SPHKAP: variants seen among roughly 807,000 people sequenced by gnomAD.
SPHKAP encodes A-kinase anchor protein SPHKAP.
SPHKAP carries 67 observed loss-of-function variants against 137.5 expected under a neutral mutation model. The observed-to-expected ratio is 0.49, with a 90% confidence interval of 0.40 to 0.60. SPHKAP has a LOEUF of 0.60. Among genes scored for constraint, SPHKAP ranks in the 20% least tolerant of loss-of-function variants. The probability of loss-of-function intolerance (pLI) is 0.00; values close to 1 mark genes in which losing one functional copy is unlikely to be tolerated. For synonymous variants in SPHKAP, 813 were observed against 785.3 expected (o/e 1.04, Z -0.59); for missense variants, 2,097 against 2,069.3 (o/e 1.01, Z -0.26).
chr2:228,180,526 A>G (rs1217662739), intron 1 of SPHKAP, among the ~76,000 whole-genome samples: 5 of 152,134 alleles, frequency 3.3e-5, no homozygotes, highest in African/African-American at 1.2e-4. Context: ...TCTGCTCTGG[A>G]AGCTACCTAC....
intron 3 of SPHKAP, among the ~76,000 whole-genome samples, chr2:228,064,490 G>T (rs567659499): frequency 6.6e-6 from 1 of 152,242 alleles, no homozygotes; most frequent in African/African-American, 2.4e-5. Context: ...ACACATGTTT[G>T]TATTATGTTA....
intron 2 of SPHKAP, chr2:228,131,130 T>C (rs1277258090): frequency 5.8e-6 from 1 of 171,026 alleles, no homozygotes; most frequent in East Asian, 1.9e-4. Flanking sequence ...TATGTGTAGA[T>C]ATATATGCAT....
chr2:228,076,559 A>G (rs1343063434), intron 3 of SPHKAP, among the ~76,000 whole-genome samples: 1 of 152,134 alleles, frequency 6.6e-6, no homozygotes, highest in Non-Finnish European at 1.5e-5. Context: ...TAGCAAAGAG[A>G]CTGGGGACAT....
intron 3 of SPHKAP, among the ~76,000 whole-genome samples, chr2:228,097,099 A>T (rs1698010179): frequency 6.6e-6 from 1 of 152,228 alleles, no homozygotes. Flanking sequence ...AAAATTATGT[A>T]GTCAGTATCC....
In SPHKAP at chr2:228,181,539, A is replaced by G; in HGVS notation, c.32+28T>C. 4.3e-6 allele frequency: 7 copies of G among 1,614,094 alleles called. No individual in the cohort carries two copies. Among genetic ancestry groups the G allele is most frequent in the Non-Finnish European group, 5.9e-6 (7 of 1,179,974 alleles). ...CGGAACGGAGTTTGATCGACATGGT[A>G]TTGGGCATAGAAAGAAGCGGGTCTT... On this transcript the variant is annotated intron_variant, in intron 1 of 11. Coordinates refer to ENST00000392056, the MANE Select transcript of SPHKAP (RefSeq NM_001142644.2). The surrounding 1 kb of genome is among the most constrained non-coding windows in gnomAD (Gnocchi z 4.3).
At position 228,021,928 on chromosome 2, in the gene SPHKAP, T is replaced by C. The variant is rs759738714; in HGVS notation, c.480A>G (p.Ala160=). 2 of 1,612,894 alleles carry C rather than the reference T, an allele frequency of 1.2e-6. No individual in the cohort carries two copies. The highest frequency in any genetic ancestry group is 1.7e-6 in the Non-Finnish European group (2 of 1,179,506). Residue 160 remains alanine (A), a synonymous_variant, in exon 6 of 12, where the codon GCA becomes GCG. Coordinates refer to ENST00000392056, the MANE Select transcript of SPHKAP (RefSeq NM_001142644.2). The stretch of plus-strand genomic sequence containing the variant: ...TGGTACTGTTTGGTCTGTTCCCTCT[T>C]GCACATTGGACCAAGCAGATATCTG... ...WLPDICLVQC[A]RGNRPNSTNC...
intron 3 of SPHKAP, among the ~76,000 whole-genome samples, chr2:228,031,059 A>C (rs1005300381): frequency 2.0e-5 from 3 of 152,200 alleles, no homozygotes; most frequent in Non-Finnish European, 2.9e-5. Context: ...GAGCCAAAGG[A>C]GGGCGAGGTG....
chr2:228,133,353 C>T (rs1195620437), intron 1 of SPHKAP, among the ~76,000 whole-genome samples: 9 of 148,280 alleles, frequency 6.1e-5, no homozygotes, highest in Non-Finnish European at 1.3e-4. Flanking sequence ...AAATAAATTA[C>T]TTCTACATTT....
intron 3 of SPHKAP, among the ~76,000 whole-genome samples, chr2:228,044,990 T>C (rs1203424242): frequency 1.3e-5 from 2 of 152,040 alleles, no homozygotes; most frequent in Non-Finnish European, 2.9e-5. Context: ...AAAAAACACA[T>C]GAAAAAATGC....
chr2:227,983,392 C>CT, intron 11 of SPHKAP, among the ~76,000 whole-genome samples: 1 of 152,280 alleles, frequency 6.6e-6, no homozygotes, highest in East Asian at 1.9e-4. Flanking sequence ...ACATCCTTAA[C>CT]TTTTAATACC....
intron 3 of SPHKAP, among the ~76,000 whole-genome samples, chr2:228,038,328 G>A (rs189146871): frequency 6.6e-6 from 1 of 152,254 alleles, no homozygotes; most frequent in Admixed American, 6.5e-5. Context: ...GTTATTACAG[G>A]AGGAAACTTT....
chr2:228,041,838 G>T lies in SPHKAP; in HGVS notation c.247-14295C>A, dbSNP rs572947943. Among the ~76,000 whole-genome samples the T allele has an allele frequency of 1.5e-3, 221 of 151,982 alleles. 1 individual carries two copies. Among genetic ancestry groups the T allele is most frequent in the South Asian group, 3.8e-3 (18 of 4,796 alleles). ...CGTGGGAGGGGATGTGCAGACTCTGGCTCTGCTCTCAGCTCCTATGCTGTT... is the reference window on the plus strand; with the variant it reads ...CGTGGGAGGGGATGTGCAGACTCTGTCTCTGCTCTCAGCTCCTATGCTGTT... On this transcript the variant is annotated intron_variant, in intron 3 of 11. Transcript: ENST00000392056.
Position 227,981,815 on chromosome 2 carries a change from C to T in SPHKAP, c.5005G>A (p.Gly1669Ser), listed in dbSNP as rs1408274820. 1 of 1,613,714 alleles carries T rather than the reference C, an allele frequency of 6.2e-7. No individual in the cohort carries two copies. The highest frequency in any genetic ancestry group is 1.7e-5 in the Admixed American group (1 of 60,000). The stretch of plus-strand genomic sequence containing the variant: ...TGGACAACTGCATGGAAGATATCAC[C>T]CACTTTCCAGGACTTCCGATGAACC... Reference protein sequence around the residue: ...QLVHRKSWKVGDIFHAVVQYC... With the variant: ...QLVHRKSWKVSDIFHAVVQYC... Residue 1669 changes from glycine to serine, a missense_variant, in exon 12 of 12, where the codon GGT becomes AGT. Transcript: ENST00000392056.
intron 1 of SPHKAP, among the ~76,000 whole-genome samples, chr2:228,140,223 A>T (rs1455216299): frequency 6.6e-6 from 1 of 151,376 alleles, no homozygotes; most frequent in Non-Finnish European, 1.5e-5. Flanking sequence ...TGGAGATTAC[A>T]GGTGTGAGCT....
At chr2:228,066,494 A>G (rs534291449) in intron 3 of SPHKAP, among the ~76,000 whole-genome samples, 1 of 152,260 alleles carries the variant, frequency 6.6e-6, no homozygotes, top group African/African-American at 2.4e-5. Context: ...TCCTCTTTTA[A>G]AAAGGTTATT....
chr2:228,109,319 A>G, intron 2 of SPHKAP: 1 of 965,372 alleles, frequency 1.0e-6, no homozygotes. Context: ...AGTATTTTCA[A>G]TTAACAAAAT....
At chr2:228,177,878 A>G (rs75137026) in intron 1 of SPHKAP, among the ~76,000 whole-genome samples, 18,905 of 152,144 alleles carry the variant, frequency 0.12, 1,194 homozygotes, top group East Asian at 0.2. Flanking sequence ...ATCATTCGAA[A>G]TGCCATATAA....
intron 7 of SPHKAP, chr2:227,996,008 G>C (rs1398472436): frequency 2.0e-6 from 2 of 985,202 alleles, no homozygotes; most frequent in Non-Finnish European, 2.4e-6. Flanking sequence ...TGTTTAAAAA[G>C]AAGATACACA....
intron 7 of SPHKAP, among the ~76,000 whole-genome samples, chr2:228,001,632 C>A (rs992042086): frequency 6.6e-6 from 1 of 150,592 alleles, no homozygotes; most frequent in African/African-American, 2.4e-5. Flanking sequence ...AGGTTTGTTA[C>A]ATATGTATAC....
Sources: gnomAD v4.1 joint callset for allele counts (sites outside exome capture counted in the v4.1 genomes callset) on GRCh38, gnomAD v4.1.1 for gene constraint, Gnocchi (gnomAD v3.1) non-coding constraint, MANE v1.5 for transcripts, NCBI Gene and HGNC (gene_info 2026-07-23, HGNC 2026-07-21) for gene names.